GORASP2: variants seen among roughly 807,000 people sequenced by gnomAD.
GORASP2 encodes Golgi reassembly-stacking protein 2.
In GORASP2, 22 loss-of-function variants were observed where a neutral mutation model predicts 45.7. That is an observed-to-expected ratio of 0.48 (90% confidence interval 0.34 to 0.69). The LOEUF is 0.69. Ranked by LOEUF, GORASP2 falls within the 30% of genes least tolerant of loss-of-function variation. The probability of loss-of-function intolerance (pLI) is 0.01; values close to 1 mark genes in which losing one functional copy is unlikely to be tolerated. For synonymous variants in GORASP2, 221 were observed against 215.6 expected (o/e 1.02, Z -0.22); for missense variants, 491 against 562.7 (o/e 0.87, Z 1.29).
At chr2:170,936,224 C>T (rs1360075548) in intron 1 of GORASP2, among the ~76,000 whole-genome samples, 12 of 119,004 alleles carry the variant, frequency 1.0e-4, no homozygotes, top group East Asian at 2.4e-4. Context: ...TTGAAACTGA[C>T]TTTTTTTTTT....
intron 1 of GORASP2, among the ~76,000 whole-genome samples, chr2:170,947,779 A>G (rs759421147): frequency 2.6e-5 from 4 of 152,134 alleles, no homozygotes; most frequent in Non-Finnish European, 4.4e-5. Flanking sequence ...CTCCCAAAAA[A>G]GGAGAAAGTG....
chr2:170,951,456 C>T lies in GORASP2; in HGVS notation c.564C>T (p.Gly188=), dbSNP rs760958868. The part of the protein sequence containing the change: ...ITPNSAWGGE[G]SLGCGIGYGY... ...CAAATTCTGCATGGGGTGGAGAAGGCAGGTAAGGTCATTTTTTAGACTAAG... is the reference window on the plus strand; with the variant it reads ...CAAATTCTGCATGGGGTGGAGAAGGTAGGTAAGGTCATTTTTTAGACTAAG... Residue 188 remains glycine, a splice_region_variant and synonymous_variant, in exon 5 of 10, where the codon GGC becomes GGT. Transcript: ENST00000234160. 1.9e-6 allele frequency: 3 copies of T among 1,603,212 alleles called. No individual in the cohort carries two copies. Among genetic ancestry groups the T allele is most frequent in the South Asian group, 1.1e-5 (1 of 89,170 alleles).
Position 170,967,077 on chromosome 2 carries a change from G to A in GORASP2, c.*947G>A, listed in dbSNP as rs1704704423. The A allele has an allele frequency of 6.6e-6, 1 of 152,104 alleles. No individual in the cohort carries two copies. 9.4% of individuals were successfully genotyped at this position (152,104 alleles called of 1,614,324 possible). The stretch of plus-strand genomic sequence containing the variant: ...TTTTTAAGAGATGGTAAGTTAACTG[G>A]AATTGATTTACTGAATGAAATTAAA... On this transcript the variant is annotated 3_prime_UTR_variant, in exon 10 of 10. Transcript: ENST00000234160.
chr2:170,940,634 T>C (rs1007856847), intron 1 of GORASP2, among the ~76,000 whole-genome samples: 33 of 151,504 alleles, frequency 2.2e-4, no homozygotes, highest in Non-Finnish European at 4.3e-4. Context: ...AGTCAAGAAG[T>C]GAATTGCTTT....
At chr2:170,940,489 A>G (rs941314483) in intron 1 of GORASP2, among the ~76,000 whole-genome samples, 1 of 152,220 alleles carries the variant, frequency 6.6e-6, no homozygotes, top group Non-Finnish European at 1.5e-5. Context: ...TAGTAGTTGA[A>G]CATTCTTAAT....
At chr2:170,952,257 G>GA (rs1306086139) in intron 5 of GORASP2, among the ~76,000 whole-genome samples, 9 of 152,200 alleles carry the variant, frequency 5.9e-5, no homozygotes, top group Admixed American at 2.6e-4. Flanking sequence ...CAACAGCAAA[G>GA]AACATCACAT....
Position 170,951,502 on chromosome 2 carries a change from C to T in GORASP2, c.566+44C>T, listed in dbSNP as rs368177633. Reference sequence around the variant, plus strand: ...CTAAGTTATGACTGCTTAAACATACCAGTCAGATATGTTGCAGACATTGAT... The same window carrying T: ...CTAAGTTATGACTGCTTAAACATACTAGTCAGATATGTTGCAGACATTGAT... On this transcript the variant is annotated intron_variant, in intron 5 of 9. Transcript: ENST00000234160. 1.3e-4 allele frequency: 182 copies of T among 1,430,928 alleles called. 1 individual carries two copies. In the East Asian group the frequency reaches 2.0e-3, roughly 16 times the overall value. 88.6% of individuals were successfully genotyped at this position (1,430,928 alleles called of 1,614,324 possible). A position where few individuals can be genotyped will look rare whatever the true frequency, so the allele number is the denominator to read the frequency against.
chr2:170,950,129 TA>T, intron 3 of GORASP2, 74 bp from the exon 4 acceptor site: 1 of 721,174 alleles, frequency 1.4e-6, no homozygotes, highest in Non-Finnish European at 2.3e-6. Flanking sequence ...TCAACATAAT[TA>T]AAAATTGGAC....
In GORASP2 at chr2:170,958,128, C is replaced by A. The variant is rs183627300; in HGVS notation, c.823+1569C>A. Among the ~76,000 whole-genome samples, 748 of 152,230 alleles carry A rather than the reference C, an allele frequency of 4.9e-3. 5 individuals are homozygous for A. The highest frequency in any genetic ancestry group is 0.017 in the African/African-American group (695 of 41,538). On this transcript the variant is annotated intron_variant, in intron 7 of 9. Coordinates refer to ENST00000234160, the MANE Select transcript of GORASP2 (RefSeq NM_015530.5). Reference sequence around the variant, plus strand: ...TAGGTTCTCATCCCAGCTCTTTAGTCCTGGTTTTATTTCTCTAGATGAAAT... The same window carrying A: ...TAGGTTCTCATCCCAGCTCTTTAGTACTGGTTTTATTTCTCTAGATGAAAT...
chr2:170,938,687 A>C (rs553254509), intron 1 of GORASP2, among the ~76,000 whole-genome samples: 1 of 152,328 alleles, frequency 6.6e-6, no homozygotes, highest in African/African-American at 2.4e-5. Flanking sequence ...TACAGATTAC[A>C]TAGTTAGCCT....
chr2:170,931,723 A>G (rs1008176518), intron 1 of GORASP2, among the ~76,000 whole-genome samples: 4 of 152,176 alleles, frequency 2.6e-5, no homozygotes, highest in African/African-American at 9.7e-5. Flanking sequence ...TTATTTTTCA[A>G]TATCCATCTA....
At chr2:170,957,904 G>A (rs765198182) in intron 7 of GORASP2, among the ~76,000 whole-genome samples, 9 of 152,092 alleles carry the variant, frequency 5.9e-5, no homozygotes, top group Admixed American at 1.3e-4. Flanking sequence ...AGTGATCATC[G>A]TGCCTTGGCC....
intron 1 of GORASP2, among the ~76,000 whole-genome samples, chr2:170,944,338 A>G (rs1382259191): frequency 6.6e-6 from 1 of 152,018 alleles, no homozygotes; most frequent in Non-Finnish European, 1.5e-5. Context: ...TTTCTAGGGC[A>G]CTCTCTGCTG....
chr2:170,932,110 C>G (rs1027209102), intron 1 of GORASP2, among the ~76,000 whole-genome samples: 1 of 152,108 alleles, frequency 6.6e-6, no homozygotes, highest in African/African-American at 2.4e-5. Flanking sequence ...ACCTGTAATC[C>G]CAGCTACTTG....
Position 170,966,203 on chromosome 2 carries a change from T to A in GORASP2, c.*73T>A. ...CGTGTCTGGAAACGCAAACTATCAT[T>A]AATTTCATACTAGTTTGTACCGTAT... is the stretch of plus-strand genomic sequence containing the variant. On this transcript the variant is annotated 3_prime_UTR_variant, in exon 10 of 10. Coordinates refer to ENST00000234160, the MANE Select transcript of GORASP2 (RefSeq NM_015530.5). 1 of 1,034,428 alleles carries A rather than the reference T, an allele frequency of 9.7e-7. No individual in the cohort carries two copies. The highest frequency in any genetic ancestry group is 1.5e-6 in the Non-Finnish European group (1 of 660,620). The allele number at this position is 1,034,428 out of a possible 1,614,324, so 64.1% of individuals were successfully genotyped here. A position where few individuals can be genotyped will look rare whatever the true frequency, so the allele number is the denominator to read the frequency against.
intron 1 of GORASP2, among the ~76,000 whole-genome samples, chr2:170,946,719 G>A (rs1704187966): frequency 6.9e-6 from 1 of 144,918 alleles, no homozygotes; most frequent in Non-Finnish European, 1.5e-5. Context: ...ATCACTTGAG[G>A]CCAGGAGTTT....
At chr2:170,959,821 C>CTTTTTTTTTT (rs35210942) in intron 7 of GORASP2, among the ~76,000 whole-genome samples, 1 of 124,550 alleles carries the variant, frequency 8.0e-6, no homozygotes. Flanking sequence ...TCACCTTTTT[C>CTTTTTTTTTT]TTTTTTTTTT....
chr2:170,952,265 C>T (rs1369413789), intron 5 of GORASP2, among the ~76,000 whole-genome samples: 1 of 152,176 alleles, frequency 6.6e-6, no homozygotes, highest in Middle Eastern at 3.2e-3. Flanking sequence ...AAGAACATCA[C>T]ATATTCTTTC....
At chr2:170,963,041 C>T (rs1193943973) in intron 9 of GORASP2, 95 bp downstream of exon 9, 3 of 773,610 alleles carry the variant, frequency 3.9e-6, no homozygotes, top group Non-Finnish European at 6.8e-6. Flanking sequence ...GAGAGCAAAT[C>T]AGTTTAACAG....
Sources: allele counts gnomAD v4.1 joint callset (sites outside exome capture counted in the v4.1 genomes callset), GRCh38; gene constraint gnomAD v4.1.1; transcripts MANE v1.5; gene names NCBI Gene and HGNC (gene_info 2026-07-23, HGNC 2026-07-21).